Variants in ADGRB3 observed in about 807,000 individuals in gnomAD.
The protein encoded by ADGRB3 is adhesion G protein-coupled receptor B3.
Under a neutral mutation model 193.4 loss-of-function variants are expected in ADGRB3, and 37 were observed. That is an observed-to-expected ratio of 0.19 (90% CI 0.15 to 0.25). The LOEUF is 0.25. Among genes scored for constraint, ADGRB3 ranks in the 10% least tolerant of loss-of-function variants. ADGRB3 has a pLI of 1.00. For synonymous variants in ADGRB3, 690 were observed against 644.2 expected (o/e 1.07, Z -1.08); for missense variants, 1,637 against 1,852.9 (o/e 0.88, Z 2.14).
rs554727527 is a variant in ADGRB3, at chr6:69,375,304, G to A, written c.4275+2863G>A. ...AAAGATGAGGATAGATTGTAGCAGG[G>A]TGAAAGGTGAAGTAGAAATACCAAT... On this transcript the variant is annotated intron_variant, in intron 30 of 31. Transcript: ENST00000370598. Among the ~76,000 whole-genome samples the A allele has an allele frequency of 5.6e-3, 859 of 152,170 alleles. 10 individuals are homozygous for A. Among genetic ancestry groups the A allele is most frequent in the African/African-American group, 0.02 (819 of 41,526 alleles).
intron 3 of ADGRB3, among the ~76,000 whole-genome samples, chr6:68,789,885 C>G (rs1005516252): frequency 1.3e-5 from 2 of 152,130 alleles, no homozygotes; most frequent in African/African-American, 2.4e-5. Context: ...CTTCTCTTCT[C>G]GCTGCATTTC....
chr6:68,933,879 C>G (rs1258662643), intron 4 of ADGRB3, among the ~76,000 whole-genome samples: 1 of 152,052 alleles, frequency 6.6e-6, no homozygotes, highest in Non-Finnish European at 1.5e-5. Context: ...TTCCAGTTTC[C>G]TTTTGTGTTT....
chr6:68,967,015 C>A (rs1768399703), intron 8 of ADGRB3, among the ~76,000 whole-genome samples: 1 of 152,268 alleles, frequency 6.6e-6, no homozygotes, highest in Middle Eastern at 3.4e-3. Context: ...GCCAAGTCAC[C>A]TTTGATAAAA....
rs1175811921 is a variant in ADGRB3 at position 69,107,316 on chromosome 6, G to T, written c.2480+31278G>T. ...GAAGTTTTTGTTTAGTACAATGAAT[G>T]TTCAAATAAAGATCACTTTCAAACA... On this transcript the variant is annotated intron_variant, in intron 17 of 31. Coordinates refer to ENST00000370598, the MANE Select transcript of ADGRB3 (RefSeq NM_001704.3). 2.6e-5 allele frequency among the ~76,000 whole-genome samples: 4 copies of T among 152,062 alleles called. No individual in the cohort carries two copies. In the East Asian group the frequency reaches 7.7e-4, roughly 29 times the overall value.
chr6:68,861,534 C>A (rs1019303220), intron 3 of ADGRB3, among the ~76,000 whole-genome samples: 8 of 152,112 alleles, frequency 5.3e-5, no homozygotes, highest in African/African-American at 1.7e-4. Flanking sequence ...TGCACTCCAG[C>A]CTGGGCAACA....
At chr6:69,238,054 T>C in intron 19 of ADGRB3, among the ~76,000 whole-genome samples, 1 of 152,080 alleles carries the variant, frequency 6.6e-6, no homozygotes, top group Admixed American at 6.6e-5. Flanking sequence ...AAATGTGTGA[T>C]AAAACGTGGG....
At chr6:69,044,066 C>CAA (rs1479315537) in intron 13 of ADGRB3, among the ~76,000 whole-genome samples, 1 of 151,954 alleles carries the variant, frequency 6.6e-6, no homozygotes, top group East Asian at 1.9e-4. Context: ...AAAACAAAAA[C>CAA]AAAGCAGCAG....
intron 17 of ADGRB3, among the ~76,000 whole-genome samples, chr6:69,192,427 G>A (rs1242824935): frequency 6.6e-6 from 1 of 152,052 alleles, no homozygotes; most frequent in African/African-American, 2.4e-5. Flanking sequence ...CAGATTGAGG[G>A]TGGGTCTGCC....
chr6:69,338,064 C>T (rs1768890442), intron 24 of ADGRB3, among the ~76,000 whole-genome samples: 1 of 152,108 alleles, frequency 6.6e-6, no homozygotes, highest in Admixed American at 6.6e-5. Flanking sequence ...TTTCAAGGTA[C>T]AGTTTTCTAA....
At chr6:68,943,540 T>G (rs1767696750) in intron 5 of ADGRB3, among the ~76,000 whole-genome samples, 1 of 152,122 alleles carries the variant, frequency 6.6e-6, no homozygotes, top group Non-Finnish European at 1.5e-5. Flanking sequence ...TGTGACTGTT[T>G]TACCATAAGG....
intron 3 of ADGRB3, among the ~76,000 whole-genome samples, chr6:68,642,600 A>G (rs1444584279): frequency 1.3e-5 from 2 of 152,226 alleles, no homozygotes; most frequent in East Asian, 3.9e-4. Context: ...ATTTGAGTAC[A>G]TTTTTAAAAT....
At chr6:69,342,744 A>G (rs1248232327) in intron 26 of ADGRB3, among the ~76,000 whole-genome samples, 3 of 152,186 alleles carry the variant, frequency 2.0e-5, no homozygotes, top group East Asian at 3.8e-4. Context: ...GTAGTGATTC[A>G]TATCTATTAA....
At chr6:68,731,354 A>T (rs1038537892) in intron 3 of ADGRB3, among the ~76,000 whole-genome samples, 3 of 151,664 alleles carry the variant, frequency 2.0e-5, no homozygotes, top group Non-Finnish European at 4.4e-5. Flanking sequence ...TACAAAAAAA[A>T]TACATTGTAA....
At chr6:68,983,187 T>A (rs1048454799) in intron 10 of ADGRB3, among the ~76,000 whole-genome samples, 1 of 152,100 alleles carries the variant, frequency 6.6e-6, no homozygotes, top group Non-Finnish European at 1.5e-5. Context: ...AAGCCTAATA[T>A]GTATATGAAA....
intron 3 of ADGRB3, among the ~76,000 whole-genome samples, chr6:68,664,474 A>G (rs945458293): frequency 6.6e-6 from 1 of 151,854 alleles, no homozygotes; most frequent in African/African-American, 2.4e-5. Flanking sequence ...TCTTTCTGCC[A>G]TGTGAGTCAT....
chr6:68,644,893 G>C (rs1182543948), intron 3 of ADGRB3, among the ~76,000 whole-genome samples: 1 of 152,028 alleles, frequency 6.6e-6, no homozygotes, highest in Non-Finnish European at 1.5e-5. Flanking sequence ...TGTTTCAGAG[G>C]ATTTTTACAA....
At chr6:68,747,563 A>G (rs2127345415) in intron 3 of ADGRB3, among the ~76,000 whole-genome samples, 1 of 152,360 alleles carries the variant, frequency 6.6e-6, no homozygotes, top group South Asian at 2.1e-4. Context: ...TACTATTTCC[A>G]TATACTTAGC....
intron 17 of ADGRB3, among the ~76,000 whole-genome samples, chr6:69,177,554 G>A (rs9346267): frequency 6.6e-6 from 1 of 152,166 alleles, no homozygotes; most frequent in East Asian, 1.9e-4. Context: ...TACCCTGTCA[G>A]CCAGGATGGT....
At chr6:69,112,175 G>A (rs770411920) in intron 17 of ADGRB3, among the ~76,000 whole-genome samples, 15 of 152,230 alleles carry the variant, frequency 9.9e-5, no homozygotes, top group African/African-American at 1.2e-4. Flanking sequence ...TTGTGGTTAC[G>A]TGAGCACGCC....
Sources: gnomAD v4.1 joint callset for allele counts (sites outside exome capture counted in the v4.1 genomes callset) on GRCh38, gnomAD v4.1.1 for gene constraint, MANE v1.5 for transcripts, NCBI Gene and HGNC (gene_info 2026-07-23, HGNC 2026-07-21) for gene names.